GRB14: variants seen among roughly 807,000 people sequenced by gnomAD.
The protein encoded by GRB14 is growth factor receptor-bound protein 14.
In GRB14, 38 loss-of-function variants were observed where a neutral mutation model predicts 69.1. The observed-to-expected ratio is 0.55, with a 90% CI of 0.42 to 0.72. The LOEUF is 0.72. Among genes scored for constraint, GRB14 ranks in the 30% least tolerant of loss-of-function variants. The pLI is 0.00. For synonymous variants in GRB14, 247 were observed against 241.3 expected (o/e 1.02, Z -0.22); for missense variants, 666 against 666.1 (o/e 1.00, Z 0.00).
intron 2 of GRB14, among the ~76,000 whole-genome samples, chr2:164,556,820 C>A (rs187358827): frequency 2.3e-4 from 35 of 152,282 alleles, no homozygotes; most frequent in Admixed American, 1.7e-3. Flanking sequence ...CCACTGTTTT[C>A]TCCTCTTTAT....
chr2:164,529,547 A>T (rs1687868657), intron 3 of GRB14, among the ~76,000 whole-genome samples: 1 of 152,122 alleles, frequency 6.6e-6, no homozygotes, highest in African/African-American at 2.4e-5. Flanking sequence ...AGTAGACTAC[A>T]ACTCACCTTT....
intron 3 of GRB14, among the ~76,000 whole-genome samples, chr2:164,527,774 A>G (rs929692169): frequency 1.3e-5 from 2 of 152,082 alleles, no homozygotes; most frequent in East Asian, 3.8e-4. Flanking sequence ...GAAGATAATT[A>G]AGTGGGTGGG....
At chr2:164,521,047 CT>C in intron 6 of GRB14, among the ~76,000 whole-genome samples, 1 of 152,236 alleles carries the variant, frequency 6.6e-6, no homozygotes, top group East Asian at 1.9e-4. Context: ...GAAAAAGATA[CT>C]TGCACATGCA....
chr2:164,546,076 G>T (rs1344306003), intron 3 of GRB14, among the ~76,000 whole-genome samples: 3 of 152,114 alleles, frequency 2.0e-5, no homozygotes, highest in Non-Finnish European at 4.4e-5. Flanking sequence ...TGGTCCAAAT[G>T]ACAGCTTACT....
chr2:164,617,364 G>A (rs1279767480), intron 2 of GRB14, among the ~76,000 whole-genome samples: 3 of 152,150 alleles, frequency 2.0e-5, no homozygotes, highest in Admixed American at 6.5e-5. Context: ...CAAGGCCAGA[G>A]CAGGAAACCT....
intron 6 of GRB14, among the ~76,000 whole-genome samples, chr2:164,521,604 G>A (rs1687635455): frequency 1.3e-5 from 2 of 152,012 alleles, no homozygotes; most frequent in South Asian, 4.2e-4. Context: ...TGTTGATGTT[G>A]ATCAACAGAG....
chr2:164,617,146 T>C (rs2105364282), intron 2 of GRB14, among the ~76,000 whole-genome samples: 1 of 152,210 alleles, frequency 6.6e-6, no homozygotes, highest in South Asian at 2.1e-4. Flanking sequence ...GCAGCCTCCC[T>C]CCTCCTCAAC....
intron 9 of GRB14, among the ~76,000 whole-genome samples, chr2:164,500,280 T>G (rs1687015815): frequency 6.6e-6 from 1 of 152,104 alleles, no homozygotes; most frequent in South Asian, 2.1e-4. Context: ...GCTGATGGGG[T>G]GGCTGTTACA....
chr2:164,503,885 G>C (rs1028099860), intron 8 of GRB14, among the ~76,000 whole-genome samples: 3 of 152,072 alleles, frequency 2.0e-5, no homozygotes, highest in Admixed American at 2.0e-4. Flanking sequence ...AGTTGCCTCT[G>C]TGCTTCTGAA....
chr2:164,545,492 A>G (rs1352031870), intron 3 of GRB14, among the ~76,000 whole-genome samples: 2 of 152,226 alleles, frequency 1.3e-5, no homozygotes, highest in African/African-American at 4.8e-5. Flanking sequence ...TGCAGCCACA[A>G]GCCAACAAAT....
chr2:164,511,194 C>T (rs1687329167), intron 6 of GRB14, among the ~76,000 whole-genome samples: 2 of 152,186 alleles, frequency 1.3e-5, no homozygotes, highest in Non-Finnish European at 2.9e-5. Flanking sequence ...GCAAGGACTG[C>T]AACTCCTAAG....
chr2:164,585,085 C>CTTT lies in GRB14; in HGVS notation c.324+34599_324+34601dup, dbSNP rs146962375. The stretch of plus-strand genomic sequence containing the variant: ...AGCCCCTTCATACCACCATGCCTGG[C>CTTT]TTTTTTTTTTTTTTTTTTTTTTTTT... On this transcript the variant is annotated intron_variant, in intron 2 of 13. Coordinates refer to ENST00000263915, the MANE Select transcript of GRB14 (RefSeq NM_004490.3). Among the ~76,000 whole-genome samples the CTTT allele has an allele frequency of 2.4e-4, 13 of 54,386 alleles. 3 individuals are homozygous for CTTT. The highest frequency in any genetic ancestry group is 2.0e-3 in the East Asian group (3 of 1,528). The allele number at this position is 54,386 out of a possible 152,430, so 35.7% of individuals were successfully genotyped here. A position where few individuals can be genotyped will look rare whatever the true frequency, so the allele number is the denominator to read the frequency against.
chr2:164,552,873 C>T (rs993486600), intron 2 of GRB14, among the ~76,000 whole-genome samples: 1 of 152,132 alleles, frequency 6.6e-6, no homozygotes, highest in Non-Finnish European at 1.5e-5. Flanking sequence ...CTCGTGGGTG[C>T]TTCTGCCAAA....
At position 164,548,396 on chromosome 2, in the gene GRB14, G is replaced by T. The variant is rs147719605; in HGVS notation, c.325-580C>A. 3.0e-4 allele frequency among the ~76,000 whole-genome samples: 45 copies of T among 152,336 alleles called. No homozygotes were observed. In the East Asian group the frequency reaches 8.5e-3, roughly 29 times the overall value. ...ATTGTGTGTATCTGTATGTGTGTGT[G>T]TGTGTGTAATGCAAATATAAAATAA... On this transcript the variant is annotated intron_variant, in intron 2 of 13. Coordinates refer to ENST00000263915, the MANE Select transcript of GRB14 (RefSeq NM_004490.3).
chr2:164,561,285 C>T (rs1227192212), intron 2 of GRB14, among the ~76,000 whole-genome samples: 10 of 152,114 alleles, frequency 6.6e-5, no homozygotes, highest in Non-Finnish European at 2.9e-5. Flanking sequence ...ACTCCTCATA[C>T]TGTAAAATGG....
chr2:164,611,010 G>C (rs1021846449), intron 2 of GRB14, among the ~76,000 whole-genome samples: 3 of 151,164 alleles, frequency 2.0e-5, no homozygotes, highest in African/African-American at 7.3e-5. Flanking sequence ...ATAGGTTCCA[G>C]ACTCAGAAAA....
chr2:164,498,360 C>T (rs1287175571), intron 9 of GRB14, among the ~76,000 whole-genome samples: 1 of 152,078 alleles, frequency 6.6e-6, no homozygotes, highest in African/African-American at 2.4e-5. Flanking sequence ...ATATGCAAAA[C>T]CCGATCTTCT....
intron 2 of GRB14, among the ~76,000 whole-genome samples, chr2:164,605,688 GA>G (rs1264674700): frequency 1.3e-5 from 2 of 152,190 alleles, no homozygotes; most frequent in African/African-American, 4.8e-5. Context: ...AGGTCTTCAG[GA>G]ATAAGGTGGT....
intron 2 of GRB14, among the ~76,000 whole-genome samples, chr2:164,554,423 C>T (rs577324041): frequency 1.6e-4 from 25 of 151,782 alleles, no homozygotes; most frequent in African/African-American, 6.0e-4. Flanking sequence ...CTTCCTGGAC[C>T]CTAAAGAAGA....
Sources: allele counts gnomAD v4.1 joint callset (sites outside exome capture counted in the v4.1 genomes callset), GRCh38; gene constraint gnomAD v4.1.1; transcripts MANE v1.5; gene names NCBI Gene and HGNC (gene_info 2026-07-23, HGNC 2026-07-21).